TNNC2: variants seen among roughly 807,000 people sequenced by gnomAD.
TNNC2 encodes troponin C2, fast skeletal type.
TNNC2 carries 14 observed loss-of-function variants against 20.0 expected under a neutral mutation model. That is an observed-to-expected ratio of 0.70 (90% CI 0.46 to 1.09). The LOEUF is 1.09. Among genes scored for constraint, TNNC2 ranks in the 50% least tolerant of loss-of-function variants. The pLI is 0.00. For missense variants in TNNC2, 163 were observed against 223.8 expected (o/e 0.73, Z 1.73); for synonymous variants, 81 against 77.3 (o/e 1.05, Z -0.25).
At chr20:45,833,026 T>C (rs1170500581) in intron 2 of TNNC2, among the ~76,000 whole-genome samples, 1 of 152,114 alleles carries the variant, frequency 6.6e-6, no homozygotes, top group Non-Finnish European at 1.5e-5. Flanking sequence ...CCTCTATTCC[T>C]AGCTACTGGG....
chr20:45,831,029 T>C (rs1478736036), upstream of TNNC2, among the ~76,000 whole-genome samples: 1 of 152,028 alleles, frequency 6.6e-6, no homozygotes, highest in Non-Finnish European at 1.5e-5. Context: ...TAGCTCATAC[T>C]TGTAATCCCA....
intron 1 of TNNC2, among the ~76,000 whole-genome samples, chr20:45,826,005 A>ACCCCCCCCCCCCCCC (rs111300154): frequency 6.9e-6 from 1 of 144,008 alleles, no homozygotes; most frequent in African/African-American, 2.7e-5. Flanking sequence ...CAAGTCGGGA[A>ACCCCCCCCCCCCCCC]CCCCCCCCAC....
At position 45,823,920 on chromosome 20, in the gene TNNC2, G is replaced by C. The variant is rs117822901; in HGVS notation, c.451+71C>G. On this transcript the variant is annotated intron_variant, in intron 5 of 5. Transcript: ENST00000372555. The surrounding 1 kb of genome is among the most constrained non-coding windows in gnomAD (Gnocchi z 4.6). ...CCACAAGGCCAAGGACACTGCACCG[G>C]AGCCAGGCACCAGTGCCCGCCGTCC... is the stretch of plus-strand genomic sequence containing the variant. The C allele has an allele frequency of 3.6e-5, 57 of 1,603,710 alleles. No homozygotes were observed. In the East Asian group the frequency reaches 7.4e-4, roughly 21 times the overall value.
chr20:45,824,240 G>T, intron 4 of TNNC2, 52 bp downstream of exon 4: 2 of 1,601,714 alleles, frequency 1.2e-6, no homozygotes, highest in South Asian at 1.1e-5. Flanking sequence ...AGCGCTGCCG[G>T]CCGGGTTCTG....
upstream of TNNC2, chr20:45,827,325 T>C (rs1324063496): frequency 6.2e-6 from 10 of 1,601,938 alleles, no homozygotes; most frequent in Admixed American, 1.7e-4. Context: ...CCTGGCCTGC[T>C]CTAGCCCCCG....
chr20:45,831,065 G>C (rs924246211), upstream of TNNC2, among the ~76,000 whole-genome samples: 1 of 152,142 alleles, frequency 6.6e-6, no homozygotes, highest in Non-Finnish European at 1.5e-5. Flanking sequence ...GAGGTAGGAG[G>C]ATCTCTTCAG....
intron 2 of TNNC2, among the ~76,000 whole-genome samples, chr20:45,832,806 G>A (rs1983154604): frequency 6.6e-6 from 1 of 152,194 alleles, no homozygotes; most frequent in African/African-American, 2.4e-5. Context: ...AACAAAGCTG[G>A]GGAGCCACTG....
At chr20:45,829,249 C>G (rs1983052412), upstream of TNNC2, among the ~76,000 whole-genome samples, 1 of 151,260 alleles carries the variant, frequency 6.6e-6, no homozygotes, top group Non-Finnish European at 1.5e-5. Flanking sequence ...ACCACAACCT[C>G]CGCCTCTTGG....
intron 2 of TNNC2, chr20:45,833,206 G>GAAAGAGAGAGAGAGAAAGAAAC (rs1568723188): frequency 6.7e-6 from 1 of 149,404 alleles, no homozygotes. Context: ...GAGAAAGAAA[G>GAAAGAGAGAGAGAGAAAGAAAC]AAAGAAACCT....
chr20:45,825,091 G>T (rs902746460), intron 1 of TNNC2, among the ~76,000 whole-genome samples: 2 of 151,316 alleles, frequency 1.3e-5, no homozygotes, highest in Non-Finnish European at 2.9e-5. Context: ...TCAAGCAATC[G>T]TCCCACTTCA....
chr20:45,824,430 G>A, intron 3 of TNNC2, 24 bp from the exon 4 acceptor site: 2 of 1,611,036 alleles, frequency 1.2e-6, no homozygotes, highest in African/African-American at 1.3e-5. Context: ...GTGGCAGACT[G>A]AGCCTGAGCC....
At chr20:45,824,905 C>A (rs1982928589) in intron 1 of TNNC2, 71 bp from the exon 2 acceptor site, 9 of 1,552,496 alleles carry the variant, frequency 5.8e-6, no homozygotes, top group Admixed American at 1.7e-5. Flanking sequence ...CAAAGCCATT[C>A]TTCCCAACCC....
upstream of TNNC2, among the ~76,000 whole-genome samples, chr20:45,828,793 G>A (rs923773925): frequency 6.6e-6 from 1 of 152,044 alleles, no homozygotes; most frequent in African/African-American, 2.4e-5. Flanking sequence ...AGGAAAGGGG[G>A]GCTGGACACC....
upstream of TNNC2, among the ~76,000 whole-genome samples, chr20:45,832,194 C>T (rs1983129909): frequency 6.6e-6 from 1 of 152,166 alleles, no homozygotes; most frequent in Non-Finnish European, 1.5e-5. Context: ...CCTGTAGTCC[C>T]AGCCACTCAG....
At chr20:45,827,985 T>C (rs972492473), upstream of TNNC2, among the ~76,000 whole-genome samples, 2 of 152,202 alleles carry the variant, frequency 1.3e-5, no homozygotes, top group African/African-American at 4.8e-5. Flanking sequence ...TAACATGATC[T>C]CATCTAGTGC....
At position 45,826,594 on chromosome 20, in the gene TNNC2, G is replaced by C. The variant is rs1982976532; in HGVS notation, c.3+652C>G. Among the ~76,000 whole-genome samples the C allele has an allele frequency of 3.3e-5, 5 of 152,190 alleles. 1 individual carries two copies. In the South Asian group the frequency reaches 1.0e-3, roughly 31 times the overall value. On this transcript the variant is annotated intron_variant, in intron 1 of 5. Transcript: ENST00000372555. ...CCTTCCTCTCCTCCTCTTTCCCTAT[G>C]CCAGGAGGGCAGGCTATTTTTAGTC...
intron 1 of TNNC2, among the ~76,000 whole-genome samples, chr20:45,826,873 T>C (rs1027223517): frequency 2.0e-5 from 3 of 152,168 alleles, no homozygotes; most frequent in Non-Finnish European, 4.4e-5. Flanking sequence ...TCCATGATGA[T>C]AGGAGGGTTT....
rs755301842 is a variant in TNNC2 at position 45,824,104 on chromosome 20, G to A, written c.338C>T (p.Pro113Leu). Residue 113 changes from proline to leucine, a missense_variant, in exon 5 of 6, where the codon CCG (proline) becomes CTG (leucine). Pro to Leu is a moderately conservative substitution (Grantham distance 98, BLOSUM62 -3). Coordinates refer to ENST00000372555, the MANE Select transcript of TNNC2 (RefSeq NM_003279.3). ...CCTGAAAATCTCAGCCAGCTCCTCCGGGTCGATGTAGCCGTCTGCATTCCT... is the reference window on the plus strand; with the variant it reads ...CCTGAAAATCTCAGCCAGCTCCTCCAGGTCGATGTAGCCGTCTGCATTCCT... ...FDRNADGYID[P>L]EELAEIFRAS... 3.7e-6 allele frequency: 6 copies of A among 1,613,530 alleles called. No individual in the cohort carries two copies. Among genetic ancestry groups the A allele is most frequent in the East Asian group, 2.2e-5 (1 of 44,854 alleles).
chr20:45,832,818 G>C (rs1983155408), intron 2 of TNNC2, among the ~76,000 whole-genome samples: 1 of 152,258 alleles, frequency 6.6e-6, no homozygotes, highest in African/African-American at 2.4e-5. Context: ...GAGCCACTGA[G>C]ATTATCAGGC....
Sources: allele counts gnomAD v4.1 joint callset (sites outside exome capture counted in the v4.1 genomes callset), GRCh38; gene constraint gnomAD v4.1.1; non-coding constraint Gnocchi (gnomAD v3.1); transcripts MANE v1.5; gene names NCBI Gene and HGNC (gene_info 2026-07-23, HGNC 2026-07-21).